The following CSMD3 variants were observed in gnomAD, a reference collection of about 807,000 sequenced individuals.
CSMD3 encodes CUB and sushi domain-containing protein 3.
CSMD3 carries 177 observed loss-of-function variants against 435.2 expected under a neutral mutation model. The observed-to-expected ratio is 0.41, with a 90% CI of 0.36 to 0.46. The LOEUF (loss-of-function observed/expected upper bound fraction) is 0.46. CSMD3 is among the 20% of genes least tolerant of loss of function. The probability of loss-of-function intolerance (pLI) is 0.34; values close to 1 mark genes in which losing one functional copy is unlikely to be tolerated. For synonymous variants in CSMD3, 1,656 were observed against 1,520.5 expected, an observed-to-expected ratio of 1.09 and a Z score of -2.07; for missense variants, 4,265 against 4,504.6, an observed-to-expected ratio of 0.95 and a Z score of 1.52.
At chr8:112,988,792 C>T (rs1026222578) in intron 6 of CSMD3, among the ~76,000 whole-genome samples, 1 of 152,008 alleles carries the variant, frequency 6.6e-6, no homozygotes, top group African/African-American at 2.4e-5. Context: ...TCCATTAGTA[C>T]TCAGCCAACT....
intron 9 of CSMD3, among the ~76,000 whole-genome samples, chr8:112,922,834 C>T (rs2082788205): frequency 6.6e-6 from 1 of 152,122 alleles, no homozygotes; most frequent in Non-Finnish European, 1.5e-5. Flanking sequence ...ATTATATTTA[C>T]AGTCTTCTTA....
intron 4 of CSMD3, among the ~76,000 whole-genome samples, chr8:113,136,768 G>C (rs1045931935): frequency 1.3e-5 from 2 of 151,634 alleles, no homozygotes; most frequent in Non-Finnish European, 3.0e-5. Flanking sequence ...ACAAGTGTAA[G>C]GAGGGATTTT....
At chr8:112,532,819 T>C (rs2131081995) in intron 27 of CSMD3, among the ~76,000 whole-genome samples, 1 of 152,266 alleles carries the variant, frequency 6.6e-6, no homozygotes, top group East Asian at 1.9e-4. Flanking sequence ...ACTGTAATTG[T>C]GGTGTGTAAC....
At chr8:112,575,590 A>T (rs1440833203) in intron 23 of CSMD3, among the ~76,000 whole-genome samples, 1 of 152,080 alleles carries the variant, frequency 6.6e-6, no homozygotes, top group Admixed American at 6.6e-5. Flanking sequence ...GAGGAATCTA[A>T]TTTATCATGC....
chr8:112,799,117 T>A (rs1177675640), intron 13 of CSMD3, among the ~76,000 whole-genome samples: 1 of 151,894 alleles, frequency 6.6e-6, no homozygotes, highest in African/African-American at 2.4e-5. Context: ...GAGGAATATA[T>A]TAAAACTATA....
chr8:112,898,439 T>G lies in CSMD3; in HGVS notation c.1633+23188A>C, dbSNP rs16884204. Among the ~76,000 whole-genome samples, 1,318 of 151,416 alleles carry G rather than the reference T, an allele frequency of 8.7e-3. 23 individuals are homozygous for G. The highest frequency in any genetic ancestry group is 0.03 in the African/African-American group (1,264 of 41,452). On this transcript the variant is annotated intron_variant, in intron 10 of 70. Transcript: ENST00000297405. The stretch of plus-strand genomic sequence containing the variant: ...TTATGTTACTTGGGCATAAAAGACT[T>G]TTGTTAGATATTAGTACTCTAGTAA...
chr8:113,211,220 A>C (rs979376073), intron 3 of CSMD3, among the ~76,000 whole-genome samples: 3 of 152,078 alleles, frequency 2.0e-5, no homozygotes, highest in African/African-American at 7.2e-5. Context: ...ATAGAGAATA[A>C]TTTTCTCCTT....
At chr8:113,148,504 G>A (rs138900063) in intron 4 of CSMD3, among the ~76,000 whole-genome samples, 66 of 151,764 alleles carry the variant, frequency 4.3e-4, no homozygotes, top group African/African-American at 1.5e-3. Flanking sequence ...CTACACTTCA[G>A]TAAGCTCCAT....
At chr8:112,281,801 CT>C (rs548623920) in intron 58 of CSMD3, among the ~76,000 whole-genome samples, 147 of 152,142 alleles carry the variant, frequency 9.7e-4, no homozygotes, top group African/African-American at 3.3e-3. Flanking sequence ...TTGTAAGCAT[CT>C]ATGTATATTT....
chr8:113,075,235 A>G (rs1335146114), intron 5 of CSMD3, among the ~76,000 whole-genome samples: 1 of 151,844 alleles, frequency 6.6e-6, no homozygotes, highest in East Asian at 1.9e-4. Flanking sequence ...AACAATTGCC[A>G]TTGACATCGT....
At chr8:112,987,014 A>G (rs528375235) in intron 6 of CSMD3, among the ~76,000 whole-genome samples, 1 of 152,212 alleles carries the variant, frequency 6.6e-6, no homozygotes, top group South Asian at 2.1e-4. Context: ...GTATATATCT[A>G]TAACTATGTG....
chr8:112,606,699 C>G lies in CSMD3; in HGVS notation c.3716-19464G>C, dbSNP rs545296551. ...AAGTTATACCAAGGACCTTTTTCAA[C>G]TTAATGGTATACAACTAGAAGTTGG... On this transcript the variant is annotated intron_variant, in intron 22 of 70. Coordinates refer to ENST00000297405, the MANE Select transcript of CSMD3 (RefSeq NM_198123.2). Among the ~76,000 whole-genome samples the G allele has an allele frequency of 1.1e-3, 172 of 152,162 alleles. 2 individuals are homozygous for G. Among genetic ancestry groups the G allele is most frequent in the South Asian group, 1.5e-3 (7 of 4,826 alleles).
intron 27 of CSMD3, among the ~76,000 whole-genome samples, chr8:112,525,057 T>G (rs1431760580): frequency 6.6e-6 from 1 of 151,858 alleles, no homozygotes. Flanking sequence ...TATTTTTAAT[T>G]GAGAAAATTT....
intron 35 of CSMD3, among the ~76,000 whole-genome samples, chr8:112,393,240 T>C (rs1424421869): frequency 6.6e-6 from 1 of 152,158 alleles, no homozygotes; most frequent in Non-Finnish European, 1.5e-5. Flanking sequence ...CAGGCTTGTA[T>C]GTAACTATAA....
chr8:112,992,325 AATG>A (rs2085486309), intron 6 of CSMD3, among the ~76,000 whole-genome samples: 1 of 151,568 alleles, frequency 6.6e-6, no homozygotes, highest in African/African-American at 2.4e-5. Flanking sequence ...TGGGTGCCAA[AATG>A]ATAACACGAA....
At position 112,244,422 on chromosome 8, in the gene CSMD3, G is replaced by C. The variant is rs770815241; in HGVS notation, c.10374C>G (p.Thr3458=). The C allele has an allele frequency of 1.9e-6, 3 of 1,556,522 alleles. No individual in the cohort carries two copies. The highest frequency in any genetic ancestry group is 2.6e-6 in the Non-Finnish European group (3 of 1,150,430). ...TEHRVCRSDN[T]WTGKVPICEA... is the part of the protein sequence containing the mutation. The stretch of plus-strand genomic sequence containing the variant: ...CACAAATGGGAACTTTTCCAGTCCA[G>C]GTGTTATCGGATCTACACACTCTAT... The change falls in exon 65 of 71, where the codon ACC becomes ACG. Residue 3458 remains threonine (T), a synonymous_variant. Transcript: ENST00000297405.
chr8:112,350,274 CTTTTT>C (rs201171217), intron 40 of CSMD3, among the ~76,000 whole-genome samples: 3 of 121,264 alleles, frequency 2.5e-5, no homozygotes, highest in Non-Finnish European at 3.5e-5. Context: ...AAGTCATGGA[CTTTTT>C]TTTTTTTTTT....
At chr8:113,205,063 AACCTCC>A (rs1188934502) in intron 3 of CSMD3, among the ~76,000 whole-genome samples, 1 of 151,670 alleles carries the variant, frequency 6.6e-6, no homozygotes, top group Non-Finnish European at 1.5e-5. Context: ...GGCTCACTGC[AACCTCC>A]ACCTCTCGGG....
At chr8:112,492,290 C>A (rs1221851580) in intron 31 of CSMD3, among the ~76,000 whole-genome samples, 199 bp downstream of exon 31, 2 of 152,024 alleles carry the variant, frequency 1.3e-5, no homozygotes, top group African/African-American at 4.8e-5. Flanking sequence ...TTTAGAGACA[C>A]CTGGGAATAT....
Sources: allele counts gnomAD v4.1 joint callset (sites outside exome capture counted in the v4.1 genomes callset), GRCh38; gene constraint gnomAD v4.1.1; transcripts MANE v1.5; gene names NCBI Gene and HGNC (gene_info 2026-07-23, HGNC 2026-07-21).